The following TPD52L2 variants were observed in gnomAD, a reference collection of about 807,000 sequenced individuals.
TPD52L2 encodes the protein tumor protein D54.
A neutral mutation model predicts 24.7 loss-of-function variants in TPD52L2; 19 were observed. That is an observed-to-expected ratio of 0.77 (90% CI 0.54 to 1.13). The LOEUF (loss-of-function observed/expected upper bound fraction) is 1.13, where lower values mean the gene tolerates loss of function less well. Among genes scored for constraint, TPD52L2 ranks in the 50% most tolerant of loss-of-function variants. The pLI, the probability that TPD52L2 is intolerant of heterozygous loss-of-function variation, is 0.00. For synonymous variants in TPD52L2, 104 were observed against 100.2 expected (o/e 1.04, Z -0.23); for missense variants, 236 against 250.4 (o/e 0.94, Z 0.39).
chr20:63,890,369 A>G lies in TPD52L2; in HGVS notation c.*424A>G. 4.7e-6 allele frequency: 1 copy of G among 211,990 alleles called. No homozygotes were observed. Among genetic ancestry groups the G allele is most frequent in the African/African-American group, 2.3e-5 (1 of 43,834 alleles). The allele number at this position is 211,990 out of a possible 1,614,324, so 13.1% of individuals were successfully genotyped here. ...TTCCCTGACTCACAGAAGGAATGCA[A>G]TCACCCAGCAAGTCCTACCTGTTAC... On this transcript the variant is annotated 3_prime_UTR_variant, in exon 7 of 7. Transcript: ENST00000346249.
At chr20:63,873,058 G>A (rs778750631) in intron 2 of TPD52L2, among the ~76,000 whole-genome samples, 10 of 151,798 alleles carry the variant, frequency 6.6e-5, no homozygotes, top group Non-Finnish European at 1.3e-4. Flanking sequence ...TAAAGAGCTC[G>A]GACAAACCTG....
rs562767615 is a variant in TPD52L2, at chr20:63,867,173, C to T, written c.19+1789C>T. 8.5e-5 allele frequency among the ~76,000 whole-genome samples: 13 copies of T among 152,198 alleles called. No individual in the cohort carries two copies. In the South Asian group the frequency reaches 1.7e-3, roughly 19 times the overall value. On this transcript the variant is annotated intron_variant, in intron 1 of 6. Transcript: ENST00000346249. Reference sequence around the variant, plus strand: ...TTCTCCATGTTGGTCAAGCTGGTCTCGAACTTCTGACCTCAGGTGATCTGC... The same window carrying T: ...TTCTCCATGTTGGTCAAGCTGGTCTTGAACTTCTGACCTCAGGTGATCTGC...
chr20:63,883,832 G>GCCTGCCTGCCTC (rs544242072), intron 5 of TPD52L2, among the ~76,000 whole-genome samples: 10,730 of 147,226 alleles, frequency 0.073, 540 homozygotes, highest in Middle Eastern at 0.16. Context: ...CTGCCTGCCT[G>GCCTGCCTGCCTC]CCTGCCTGCC....
At chr20:63,888,914 G>C in intron 5 of TPD52L2, 1 of 541,376 alleles carries the variant, frequency 1.8e-6, no homozygotes, top group Non-Finnish European at 3.3e-6. Flanking sequence ...GTATGACAGA[G>C]AGGGGCCGAC....
At chr20:63,885,921 G>A (rs943837501) in intron 5 of TPD52L2, 3 of 1,339,332 alleles carry the variant, frequency 2.2e-6, no homozygotes, top group Non-Finnish European at 2.1e-6. Context: ...CGAGCAGGGG[G>A]CCTCCCCTGG....
intron 5 of TPD52L2, among the ~76,000 whole-genome samples, chr20:63,886,492 G>A (rs1179390284): frequency 6.6e-6 from 1 of 151,752 alleles, no homozygotes; most frequent in Non-Finnish European, 1.5e-5. Flanking sequence ...TCTCCGAGTA[G>A]CTGGGACTAC....
At chr20:63,866,361 C>T (rs764989211) in intron 1 of TPD52L2, among the ~76,000 whole-genome samples, 9 of 152,188 alleles carry the variant, frequency 5.9e-5, no homozygotes, top group Non-Finnish European at 1.0e-4. Context: ...CCTCAGCCTC[C>T]CAAAGTGCTG....
intron 1 of TPD52L2, among the ~76,000 whole-genome samples, chr20:63,865,956 G>GT (rs368563970): frequency 1.1e-4 from 17 of 152,286 alleles, no homozygotes; most frequent in African/African-American, 4.1e-4. Context: ...TACCAGGCCT[G>GT]TTTCCAGAAC....
intron 6 of TPD52L2, 131 bp from the exon 7 acceptor site, chr20:63,889,719 G>C: frequency 1.2e-6 from 1 of 850,578 alleles, no homozygotes; most frequent in Non-Finnish European, 1.8e-6. Flanking sequence ...TCCGTGATTT[G>C]CTCCCTGTCC....
intron 4 of TPD52L2, among the ~76,000 whole-genome samples, chr20:63,876,381 G>A (rs1017669848): frequency 6.6e-6 from 1 of 152,166 alleles, no homozygotes; most frequent in South Asian, 2.1e-4. Flanking sequence ...AAATCCTCAC[G>A]ATCTGGGAGG....
intron 3 of TPD52L2, among the ~76,000 whole-genome samples, chr20:63,874,162 C>G (rs1404091220): frequency 6.6e-6 from 1 of 151,622 alleles, no homozygotes; most frequent in African/African-American, 2.4e-5. Context: ...AGCGATTCTC[C>G]TGCCTCAGCC....
intron 4 of TPD52L2, among the ~76,000 whole-genome samples, chr20:63,878,424 G>T (rs2052772003): frequency 6.6e-6 from 1 of 152,244 alleles, no homozygotes; most frequent in South Asian, 2.1e-4. Flanking sequence ...AGATCCTGCA[G>T]TTATGAGCTG....
At chr20:63,886,175 T>C in intron 5 of TPD52L2, 2 of 883,500 alleles carry the variant, frequency 2.3e-6, no homozygotes, top group Non-Finnish European at 3.7e-6. Flanking sequence ...AGGACAGCAG[T>C]GCCAGCCAGG....
intron 3 of TPD52L2, among the ~76,000 whole-genome samples, chr20:63,874,228 TTGTG>T (rs547406712): frequency 1.4e-3 from 198 of 140,006 alleles, no homozygotes; most frequent in African/African-American, 4.4e-3. Context: ...ATTTTTTTTT[TTGTG>T]TGTGTGTGTG....
intron 3 of TPD52L2, among the ~76,000 whole-genome samples, chr20:63,874,363 CTT>C (rs369640456): frequency 4.5e-5 from 6 of 133,340 alleles, no homozygotes; most frequent in African/African-American, 5.6e-5. Context: ...CCACGCTGGC[CTT>C]TTTTTTTTTT....
intron 3 of TPD52L2, among the ~76,000 whole-genome samples, chr20:63,875,559 C>T (rs2052641078): frequency 6.6e-6 from 1 of 152,222 alleles, no homozygotes; most frequent in African/African-American, 2.4e-5. Context: ...GCCCAAGAAT[C>T]TCCTAGCGAG....
intron 1 of TPD52L2, among the ~76,000 whole-genome samples, chr20:63,867,929 C>T (rs1340774232): frequency 2.6e-5 from 4 of 151,568 alleles, no homozygotes; most frequent in South Asian, 2.1e-4. Context: ...TGAGCCACCC[C>T]GCCCGACCAG....
intron 5 of TPD52L2, chr20:63,886,870 C>A (rs2053145535): frequency 6.5e-6 from 1 of 154,254 alleles, no homozygotes; most frequent in Non-Finnish European, 1.4e-5. Context: ...GTCTCGATCT[C>A]CTGACCTCGT....
intron 2 of TPD52L2, among the ~76,000 whole-genome samples, chr20:63,870,355 G>A (rs1007673771): frequency 6.6e-6 from 1 of 152,106 alleles, no homozygotes; most frequent in African/African-American, 2.4e-5. Context: ...CTGAGGACCA[G>A]GTTTCAGATC....
Sources: allele counts gnomAD v4.1 joint callset (sites outside exome capture counted in the v4.1 genomes callset), GRCh38; gene constraint gnomAD v4.1.1; transcripts MANE v1.5; gene names NCBI Gene and HGNC (gene_info 2026-07-23, HGNC 2026-07-21).